Variants in IFT122 observed in about 807,000 individuals in gnomAD.
IFT122 encodes intraflagellar transport 122.
A neutral mutation model predicts 161.6 loss-of-function variants in IFT122; 118 were observed. That is an observed-to-expected ratio of 0.73 (90% confidence interval 0.63 to 0.85). IFT122 has a LOEUF of 0.85. IFT122 is among the 40% of genes least tolerant of loss of function. The pLI is 0.00. For missense variants in IFT122, 1,381 were observed against 1,579.6 expected (o/e 0.87, Z 2.13); for synonymous variants, 550 against 602.4 (o/e 0.91, Z 1.27).
chr3:129,476,785 G>C lies in IFT122; in HGVS notation c.1131G>C (p.Leu377=). Residue 377 remains leucine, a synonymous_variant, in exon 11 of 30, where the codon CTG becomes CTC. Transcript: ENST00000348417. Reference sequence around the variant, plus strand: ...TGACTGACGTCATTGTGCAGCACCTGATCACTGAGCAGAAAGGTAAGAGGC... The same window carrying C: ...TGACTGACGTCATTGTGCAGCACCTCATCACTGAGCAGAAAGGTAAGAGGC... ...DSMTDVIVQH[L]ITEQKVRIKC... 1 of 1,614,144 alleles carries C rather than the reference G, an allele frequency of 6.2e-7. No individual in the cohort carries two copies. The highest frequency in any genetic ancestry group is 8.5e-7 in the Non-Finnish European group (1 of 1,180,038).
intron 20 of IFT122, 141 bp from the exon 21 acceptor site, chr3:129,504,178 G>T (rs1484327472): frequency 2.4e-5 from 17 of 711,122 alleles, no homozygotes; most frequent in South Asian, 1.6e-4. Context: ...TCTGTGGGTA[G>T]TTTTTTGGGG....
At chr3:129,483,426 T>G (rs748826692) in intron 14 of IFT122, 59 bp from the exon 15 acceptor site, 698 of 1,448,952 alleles carry the variant, frequency 4.8e-4, no homozygotes, top group Admixed American at 1.0e-3. Flanking sequence ...CTGAAATGTG[T>G]GAGCGCTGAC....
rs2084414562 is a variant in IFT122, at chr3:129,519,169, G to A, written c.3454G>A (p.Ala1152Thr). ...DSIGDEDPFT[A>T]KLSFEQGGSE... ...CATCGGAGATGAGGACCCGTTCACA[G>A]CTAAGCTGAGCTTTGAGGTGAGGGT... Residue 1152 changes from alanine (A) to threonine (T), a missense_variant, in exon 28 of 30, where the codon GCT (alanine) becomes ACT (threonine). Physicochemically the swap from Ala to Thr is moderately conservative, Grantham distance 58. Around this residue, in one of 7 missense-constraint regions of IFT122, gnomAD observed 177 missense variants for 199.2 expected, o/e 0.89. Coordinates refer to ENST00000348417, the MANE Select transcript of IFT122 (RefSeq NM_052989.3). 1.2e-6 allele frequency: 2 copies of A among 1,614,098 alleles called. No homozygotes were observed. Among genetic ancestry groups the A allele is most frequent in the Non-Finnish European group, 1.7e-6 (2 of 1,179,968 alleles).
chr3:129,452,000 TA>T lies in IFT122; in HGVS notation c.193+6del. On this transcript the variant is annotated splice_donor_region_variant and intron_variant, in intron 3 of 29. Transcript: ENST00000348417. ...ACTGTGTGGCATATGCGAAGGATGG[TA>T]AAAGGCTGCTCTGGGTTTCCATTCT... The T allele has an allele frequency of 6.2e-7, 1 of 1,610,142 alleles. No homozygotes were observed. The highest frequency in any genetic ancestry group is 8.5e-7 in the Non-Finnish European group (1 of 1,176,386).
At chr3:129,459,670 C>T (rs1216948226) in intron 4 of IFT122, among the ~76,000 whole-genome samples, 4 of 61,994 alleles carry the variant, frequency 6.5e-5, no homozygotes, top group Admixed American at 3.8e-4. Context: ...CCTTCCTTCC[C>T]TCCCTCCCTC....
At chr3:129,496,461 T>G (rs2080858360) in intron 18 of IFT122, among the ~76,000 whole-genome samples, 1 of 152,220 alleles carries the variant, frequency 6.6e-6, no homozygotes, top group African/African-American at 2.4e-5. Flanking sequence ...TCTCAGTATG[T>G]TATGAAGTGA....
intron 15 of IFT122, among the ~76,000 whole-genome samples, chr3:129,484,443 A>G (rs945697196): frequency 6.6e-6 from 1 of 152,208 alleles, no homozygotes; most frequent in African/African-American, 2.4e-5. Context: ...TGTATATATA[A>G]TATATGCATA....
At chr3:129,492,216 C>G (rs920256151) in intron 17 of IFT122, 22 bp downstream of exon 17, 14 of 1,598,956 alleles carry the variant, frequency 8.8e-6, no homozygotes, top group Non-Finnish European at 1.2e-5. Context: ...AGCATTTTTC[C>G]TTCTCAAGAA....
At chr3:129,443,243 G>A (rs1274258543) in intron 1 of IFT122, among the ~76,000 whole-genome samples, 2 of 152,244 alleles carry the variant, frequency 1.3e-5, no homozygotes, top group Non-Finnish European at 2.9e-5. Flanking sequence ...GTCAGATGAT[G>A]CAGGAATTGG....
intron 9 of IFT122, among the ~76,000 whole-genome samples, chr3:129,475,310 T>G (rs2077791819): frequency 6.6e-6 from 1 of 152,116 alleles, no homozygotes; most frequent in Non-Finnish European, 1.5e-5. Context: ...TGCATTCACT[T>G]GAAAAGTGTA....
intron 24 of IFT122, chr3:129,513,532 G>A (rs2083086488): frequency 6.5e-6 from 1 of 153,032 alleles, no homozygotes; most frequent in African/African-American, 2.4e-5. Context: ...TCAGGGCTAT[G>A]CCTGTGGGGG....
chr3:129,440,959 G>C (rs572841305), intron 1 of IFT122, among the ~76,000 whole-genome samples: 2 of 152,126 alleles, frequency 1.3e-5, no homozygotes, highest in Non-Finnish European at 2.9e-5. Context: ...CTGAGATCTC[G>C]TTTCTCTAAA....
At chr3:129,493,279 G>A (rs1419615421) in intron 17 of IFT122, among the ~76,000 whole-genome samples, 1 of 152,220 alleles carries the variant, frequency 6.6e-6, no homozygotes, top group Non-Finnish European at 1.5e-5. Context: ...CAAATGTCTT[G>A]TCCCTCTCAT....
chr3:129,443,826 T>C (rs1391426818), intron 1 of IFT122, among the ~76,000 whole-genome samples: 1 of 152,184 alleles, frequency 6.6e-6, no homozygotes, highest in Non-Finnish European at 1.5e-5. Flanking sequence ...TTTCAAGATA[T>C]TCAGAGAAAA....
chr3:129,459,332 C>G (rs1329746101), intron 4 of IFT122: 1 of 450,868 alleles, frequency 2.2e-6, no homozygotes, highest in Admixed American at 2.4e-5. Flanking sequence ...CTCTGTTGCC[C>G]AGGCTGGAGT....
intron 18 of IFT122, among the ~76,000 whole-genome samples, 190 bp from the exon 19 acceptor site, chr3:129,499,712 G>C (rs2081307484): frequency 6.6e-6 from 1 of 152,168 alleles, no homozygotes; most frequent in Non-Finnish European, 1.5e-5. Flanking sequence ...AACACCTGCA[G>C]GGCAGCCTGA....
chr3:129,502,828 G>T lies in IFT122; in HGVS notation c.2493G>T (p.Met831Ile). 6.2e-7 allele frequency: 1 copy of T among 1,613,112 alleles called. No homozygotes were observed. Residue 831 changes from methionine to isoleucine, a missense_variant, in exon 20 of 30, where the codon ATG (methionine) becomes ATT (isoleucine). Met to Ile is a conservative substitution (Grantham distance 10). This residue lies in a region of IFT122 where 496 missense variants were observed against 502.5 expected (regional missense o/e 0.99). Transcript: ENST00000348417. ...ATGCTGCTGAGACCTACCTGAAGAT[G>T]GGTGACCTCAAGTCCCTGGTGCAGC... Reference protein sequence around the residue: ...PGYAAETYLKMGDLKSLVQLH... With the variant: ...PGYAAETYLKIGDLKSLVQLH...
rs533721153 is a variant in IFT122, at chr3:129,469,253, C to T, written c.741-89C>T. ...AACATTTGGCAACCTGAGGCCAGGA[C>T]TTCCTTGTTCCTGTTGTTTAAGCCC... On this transcript the variant is annotated intron_variant, in intron 8 of 29. Coordinates refer to ENST00000348417, the MANE Select transcript of IFT122 (RefSeq NM_052989.3). 12 of 1,190,340 alleles carry T rather than the reference C, an allele frequency of 1.0e-5. No homozygotes were observed. In the African/African-American group the frequency reaches 1.4e-4, roughly 13 times the overall value. 73.7% of individuals were successfully genotyped at this position (1,190,340 alleles called of 1,614,324 possible).
intron 18 of IFT122, among the ~76,000 whole-genome samples, chr3:129,499,150 C>T (rs2081240471): frequency 6.6e-6 from 1 of 152,250 alleles, no homozygotes; most frequent in Admixed American, 6.5e-5. Context: ...TGCTGTCCCA[C>T]TGTCGGATCA....
Sources: gnomAD v4.1 joint callset for allele counts (sites outside exome capture counted in the v4.1 genomes callset) on GRCh38, gnomAD v4.1.1 for gene constraint, gnomAD v4.1.1 regional missense constraint, MANE v1.5 for transcripts, NCBI Gene and HGNC (gene_info 2026-07-23, HGNC 2026-07-21) for gene names.